CNTN5: variants seen among roughly 807,000 people sequenced by gnomAD.
CNTN5 encodes contactin-5.
Under a neutral mutation model 129.1 loss-of-function variants are expected in CNTN5, and 77 were observed. The observed-to-expected ratio is 0.60, with a 90% CI of 0.50 to 0.72. The LOEUF is 0.72. Among genes scored for constraint, CNTN5 ranks in the 30% least tolerant of loss-of-function variants. CNTN5 has a pLI of 0.00. For synonymous variants in CNTN5, 509 were observed against 465.6 expected (o/e 1.09, Z -1.20); for missense variants, 1,478 against 1,328.8 (o/e 1.11, Z -1.75).
At chr11:99,956,334 G>A (rs1950801797) in intron 7 of CNTN5, among the ~76,000 whole-genome samples, 1 of 151,954 alleles carries the variant, frequency 6.6e-6, no homozygotes, top group Non-Finnish European at 1.5e-5. Context: ...AGAACATTTG[G>A]ACAGAAGACA....
chr11:100,145,018 T>TAGGGATAGTACAAGGAAGGGGTAGGCTA (rs1287084742), intron 13 of CNTN5, among the ~76,000 whole-genome samples: 2 of 152,100 alleles, frequency 1.3e-5, no homozygotes, highest in Non-Finnish European at 2.9e-5. Flanking sequence ...TTAGAGACCT[T>TAGGGATAGTACAAGGAAGGGGTAGGCTA]TCCATTGGGG....
intron 8 of CNTN5, among the ~76,000 whole-genome samples, chr11:99,965,512 G>A (rs1446534098): frequency 6.6e-6 from 1 of 152,182 alleles, no homozygotes; most frequent in East Asian, 1.9e-4. Flanking sequence ...TGATTGCACT[G>A]TAGTCTGAGA....
chr11:99,981,289 A>G (rs1266706979), intron 8 of CNTN5, among the ~76,000 whole-genome samples: 1 of 151,938 alleles, frequency 6.6e-6, no homozygotes, highest in Non-Finnish European at 1.5e-5. Flanking sequence ...CTGGTCTGAG[A>G]CCACAGGCCT....
chr11:99,844,914 T>A lies in CNTN5; in HGVS notation c.340T>A (p.Ser114Thr), dbSNP rs1446386248. ...EPDDIIFPTDSDEKKVALNCE... is the reference protein window; with the variant it reads ...EPDDIIFPTDTDEKKVALNCE... ...AGATGATATTATTTTTCCAACTGAT[T>A]CTGATGAAAAGAAGGTAGCATTGAA... The change falls in exon 5 of 25, where the codon TCT becomes ACT. Residue 114 changes from serine (S) to threonine (T), a missense_variant. Ser to Thr is a moderately conservative substitution (Grantham distance 58). Transcript: ENST00000524871. 1 of 1,613,720 alleles carries A rather than the reference T, an allele frequency of 6.2e-7. No individual in the cohort carries two copies. The highest frequency in any genetic ancestry group is 8.5e-7 in the Non-Finnish European group (1 of 1,179,776).
At chr11:99,984,643 T>C (rs554112211) in intron 8 of CNTN5, among the ~76,000 whole-genome samples, 1 of 152,304 alleles carries the variant, frequency 6.6e-6, no homozygotes, top group African/African-American at 2.4e-5. Flanking sequence ...TGAATTTTAG[T>C]ATGCATATGA....
intron 2 of CNTN5, among the ~76,000 whole-genome samples, chr11:99,456,117 C>T (rs116888029): frequency 0.019 from 2,881 of 152,080 alleles, 40 homozygotes; most frequent in Middle Eastern, 0.058. Context: ...TCTTTTCATT[C>T]GGATCGATTT....
chr11:99,540,762 T>C (rs1324015628), intron 2 of CNTN5, among the ~76,000 whole-genome samples: 1 of 152,090 alleles, frequency 6.6e-6, no homozygotes, highest in Non-Finnish European at 1.5e-5. Flanking sequence ...CTCACTATTA[T>C]ATCTGCCTAT....
chr11:99,225,945 A>G (rs1436235187), intron 1 of CNTN5, among the ~76,000 whole-genome samples: 1 of 152,226 alleles, frequency 6.6e-6, no homozygotes, highest in African/African-American at 2.4e-5. Context: ...TTGACTCATA[A>G]TAAATGAGGA....
intron 1 of CNTN5, among the ~76,000 whole-genome samples, chr11:99,319,558 T>G (rs964678650): frequency 6.6e-6 from 1 of 152,186 alleles, no homozygotes; most frequent in Non-Finnish European, 1.5e-5. Flanking sequence ...CTCAGAGACC[T>G]TATGTTGTTC....
At chr11:99,770,862 A>T (rs1477510553) in intron 3 of CNTN5, among the ~76,000 whole-genome samples, 1 of 152,148 alleles carries the variant, frequency 6.6e-6, no homozygotes, top group African/African-American at 2.4e-5. Context: ...AATTTTGAGA[A>T]AAAAGAGCAA....
At chr11:99,624,153 G>A (rs1951050005) in intron 3 of CNTN5, among the ~76,000 whole-genome samples, 1 of 151,732 alleles carries the variant, frequency 6.6e-6, no homozygotes, top group Admixed American at 6.6e-5. Flanking sequence ...ATTTTGTACT[G>A]TGTCCTTAGG....
chr11:100,356,274 TAG>T lies in CNTN5; in HGVS notation c.*57_*58del. 8.4e-7 allele frequency: 1 copy of T among 1,185,152 alleles called. No homozygotes were observed. The highest frequency in any genetic ancestry group is 1.2e-6 in the Non-Finnish European group (1 of 811,992). The allele number at this position is 1,185,152 out of a possible 1,614,324, so 73.4% of individuals were successfully genotyped here. On this transcript the variant is annotated 3_prime_UTR_variant, in exon 25 of 25. Coordinates refer to ENST00000524871, the MANE Select transcript of CNTN5 (RefSeq NM_014361.4). ...GCTTTAGCTTGGTAACAGCGGTGAA[TAG>T]AGTGTAGTGTAAGTGGAGAACCAGG...
intron 1 of CNTN5, among the ~76,000 whole-genome samples, chr11:99,221,272 G>A (rs1860384755): frequency 6.6e-6 from 1 of 151,858 alleles, no homozygotes. Flanking sequence ...TCTAATTCAT[G>A]TAATTGACAA....
chr11:100,221,476 A>C (rs936699207), intron 15 of CNTN5, among the ~76,000 whole-genome samples: 6 of 152,360 alleles, frequency 3.9e-5, no homozygotes, highest in African/African-American at 1.4e-4. Context: ...GAGCTAAGAA[A>C]GAATTCGACT....
chr11:99,916,965 T>C (rs1949806586), intron 7 of CNTN5, among the ~76,000 whole-genome samples: 1 of 152,074 alleles, frequency 6.6e-6, no homozygotes, highest in Admixed American at 6.6e-5. Context: ...TCTTCTTTAA[T>C]TAGAGTGATG....
At chr11:99,294,665 A>G (rs964404483) in intron 1 of CNTN5, among the ~76,000 whole-genome samples, 5 of 152,112 alleles carry the variant, frequency 3.3e-5, no homozygotes, top group Admixed American at 3.3e-4. Context: ...ACATGGCTAT[A>G]TTTCTCCATT....
chr11:99,945,510 G>A (rs947092488), intron 7 of CNTN5, among the ~76,000 whole-genome samples: 7 of 148,572 alleles, frequency 4.7e-5, no homozygotes, highest in Non-Finnish European at 1.1e-4. Flanking sequence ...GTGTGTGTGT[G>A]TGTGTGTATA....
At chr11:100,011,932 G>A (rs770571) in intron 9 of CNTN5, among the ~76,000 whole-genome samples, 26,784 of 152,034 alleles carry the variant, frequency 0.18, 3,443 homozygotes, top group African/African-American at 0.37. Flanking sequence ...AACGTTCCTG[G>A]AAGAACCTGC....
intron 1 of CNTN5, among the ~76,000 whole-genome samples, chr11:99,140,018 C>G (rs118141288): frequency 0.048 from 7,294 of 152,092 alleles, 199 homozygotes; most frequent in Middle Eastern, 0.066. Flanking sequence ...CTTTACTTTT[C>G]TATTTTAATA....
Sources: allele counts gnomAD v4.1 joint callset (sites outside exome capture counted in the v4.1 genomes callset), GRCh38; gene constraint gnomAD v4.1.1; transcripts MANE v1.5; gene names NCBI Gene and HGNC (gene_info 2026-07-23, HGNC 2026-07-21).